Variants in DNAH11 observed in about 807,000 individuals in gnomAD.
The protein encoded by DNAH11 is dynein axonemal heavy chain 11, also known as axonemal beta dynein heavy chain 11.
In DNAH11, 442 loss-of-function variants were observed where a neutral mutation model predicts 526.0. The observed-to-expected ratio is 0.84, with a 90% CI of 0.78 to 0.91. The LOEUF (loss-of-function observed/expected upper bound fraction) is 0.91, where lower values mean the gene tolerates loss of function less well. DNAH11 is among the 40% of genes least tolerant of loss of function. The pLI is 0.00. For synonymous variants in DNAH11, 2,461 were observed against 1,935.9 expected (o/e 1.27, Z -7.12); for missense variants, 6,989 against 5,448.7 (o/e 1.28, Z -8.90).
intron 30 of DNAH11, among the ~76,000 whole-genome samples, chr7:21,679,022 A>C (rs1175366981): frequency 6.6e-6 from 1 of 152,202 alleles, no homozygotes; most frequent in Non-Finnish European, 1.5e-5. Context: ...GTAGACACTC[A>C]TGCCCATGCA....
chr7:21,797,674 G>C lies in DNAH11; in HGVS notation c.10027-3463G>C, dbSNP rs541327802. Among the ~76,000 whole-genome samples, 7 of 152,326 alleles carry C rather than the reference G, an allele frequency of 4.6e-5. No individual in the cohort carries two copies. The East Asian group carries it at 1.2e-3, about 25-fold the overall frequency. On this transcript the variant is annotated intron_variant, in intron 61 of 81. Transcript: ENST00000409508. ...ACAATTAGACATTCCTATGAAAGTA[G>C]TAGATTGTCACCTTTAAGCATGCTT... is the stretch of plus-strand genomic sequence containing the variant.
chr7:21,839,482 G>C (rs1782121746), intron 65 of DNAH11, among the ~76,000 whole-genome samples: 1 of 151,740 alleles, frequency 6.6e-6, no homozygotes, highest in Non-Finnish European at 1.5e-5. Flanking sequence ...GGCTGAGGCA[G>C]GAAAATGGCG....
intron 72 of DNAH11, 37 bp from the exon 73 acceptor site, chr7:21,868,827 T>G (rs67401326): frequency 1.2e-6 from 2 of 1,612,898 alleles, no homozygotes; most frequent in Admixed American, 1.7e-5. Flanking sequence ...CCCTCCTTCA[T>G]AGACATTTCC....
chr7:21,727,926 G>C (rs575071197), intron 45 of DNAH11, among the ~76,000 whole-genome samples: 1 of 152,194 alleles, frequency 6.6e-6, no homozygotes, highest in Non-Finnish European at 1.5e-5. Flanking sequence ...ATCGCTTGCC[G>C]TGACCTCACA....
chr7:21,727,628 C>G (rs1785184524), intron 45 of DNAH11, among the ~76,000 whole-genome samples: 1 of 152,118 alleles, frequency 6.6e-6, no homozygotes, highest in Non-Finnish European at 1.5e-5. Flanking sequence ...TTATTTCTTC[C>G]TCAAAATCAT....
chr7:21,835,180 A>G (rs1781944555), intron 65 of DNAH11, among the ~76,000 whole-genome samples: 1 of 151,714 alleles, frequency 6.6e-6, no homozygotes, highest in Non-Finnish European at 1.5e-5. Flanking sequence ...AATTCTATCA[A>G]ACATTTAAAG....
intron 9 of DNAH11, among the ~76,000 whole-genome samples, chr7:21,587,571 G>T (rs11983325): frequency 0.026 from 3,987 of 152,166 alleles, 178 homozygotes; most frequent in African/African-American, 0.091. Flanking sequence ...GGGGTGGCTG[G>T]GTCGTGTGGA....
At chr7:21,623,455 C>G (rs1344981470) in intron 25 of DNAH11, among the ~76,000 whole-genome samples, 1 of 152,190 alleles carries the variant, frequency 6.6e-6, no homozygotes, top group Non-Finnish European at 1.5e-5. Flanking sequence ...CCCAGGCATC[C>G]CATTACTGGG....
chr7:21,618,987 C>G (rs1785911582), intron 23 of DNAH11, 113 bp from the exon 24 acceptor site: 1 of 1,356,482 alleles, frequency 7.4e-7, no homozygotes, highest in Non-Finnish European at 1.0e-6. Flanking sequence ...GAGAGATGTA[C>G]TCAGCACCTG....
At chr7:21,742,406 A>G (rs1191770045) in intron 49 of DNAH11, among the ~76,000 whole-genome samples, 1 of 152,168 alleles carries the variant, frequency 6.6e-6, no homozygotes, top group Non-Finnish European at 1.5e-5. Context: ...AGCATTTCAC[A>G]TTTTGCATGG....
intron 8 of DNAH11, among the ~76,000 whole-genome samples, chr7:21,579,675 A>C (rs1038556591): frequency 6.6e-5 from 10 of 152,246 alleles, no homozygotes; most frequent in Non-Finnish European, 1.5e-4. Flanking sequence ...CTTATGCAGT[A>C]GATTATGCTA....
rs1056636695 is a variant in DNAH11, at chr7:21,701,825, T to C, written c.6181-885T>C. 3.3e-5 allele frequency among the ~76,000 whole-genome samples: 5 copies of C among 152,174 alleles called. No homozygotes were observed. The South Asian group carries it at 8.3e-4, about 25-fold the overall frequency. On this transcript the variant is annotated intron_variant, in intron 36 of 81. Transcript: ENST00000409508. ...GTGGGTGCTTTTATCTCCCTTTTTA[T>C]AGATGATGATTCTGAGGCTCTGGGA...
Position 21,742,007 on chromosome 7 carries a change from T to C in DNAH11, c.7995T>C (p.His2665=), listed in dbSNP as rs1785923126. ...TCTATGGCCAAATCTTTAGCTTCCA[T>C]TTCCAACAGCAAGCATTTGCTCCAT... ...NTIYGQIFSF[H]FQQQAFAPSI... The change falls in exon 49 of 82, where the codon CAT becomes CAC. Residue 2665 remains histidine (H), a synonymous_variant. Coordinates refer to ENST00000409508, the MANE Select transcript of DNAH11 (RefSeq NM_001277115.2). 1 of 1,613,858 alleles carries C rather than the reference T, an allele frequency of 6.2e-7. No individual in the cohort carries two copies. The highest frequency in any genetic ancestry group is 1.3e-5 in the African/African-American group (1 of 74,930).
chr7:21,598,069 C>T (rs1044625535), intron 14 of DNAH11, among the ~76,000 whole-genome samples: 3 of 152,168 alleles, frequency 2.0e-5, no homozygotes, highest in Admixed American at 2.0e-4. Context: ...TCTGTACTTA[C>T]CTCTCTAGTT....
At chr7:21,812,358 C>G (rs1364892595) in intron 63 of DNAH11, among the ~76,000 whole-genome samples, 1 of 152,144 alleles carries the variant, frequency 6.6e-6, no homozygotes, top group African/African-American at 2.4e-5. Context: ...CCCACACCCA[C>G]TTTTCAGTAA....
chr7:21,835,257 C>T (rs1242962933), intron 65 of DNAH11, among the ~76,000 whole-genome samples: 1 of 149,336 alleles, frequency 6.7e-6, no homozygotes, highest in African/African-American at 2.5e-5. Flanking sequence ...GGAGTTCTTC[C>T]AAACTCAACC....
At chr7:21,891,775 C>A (rs1383166944) in intron 76 of DNAH11, among the ~76,000 whole-genome samples, 2 of 152,144 alleles carry the variant, frequency 1.3e-5, no homozygotes, top group Non-Finnish European at 2.9e-5. Context: ...ACAGACTTTG[C>A]TGTGAGTAGC....
intron 66 of DNAH11, among the ~76,000 whole-genome samples, chr7:21,850,328 C>A (rs530568914): frequency 6.8e-6 from 1 of 147,372 alleles, no homozygotes; most frequent in Non-Finnish European, 1.5e-5. Flanking sequence ...AGCGCTCCAG[C>A]CTGGGCGACA....
rs780660397 is a variant in DNAH11, at chr7:21,894,762, G to A, written c.12890G>A (p.Arg4297Gln). The A allele has an allele frequency of 1.1e-5, 17 of 1,612,166 alleles. No homozygotes were observed. The highest frequency in any genetic ancestry group is 3.3e-5 in the South Asian group (3 of 90,684). The stretch of plus-strand genomic sequence containing the variant: ...TGTGAGAGGATGAATATTCTCATTC[G>A]GGAAATACGTATATCACTTGAACAA... Reference protein sequence around the residue: ...QECERMNILIREIRISLEQLD... With the variant: ...QECERMNILIQEIRISLEQLD... The change falls in exon 78 of 82, where the codon CGG becomes CAG. Residue 4297 changes from arginine (R) to glutamine (Q), a missense_variant. Coordinates refer to ENST00000409508, the MANE Select transcript of DNAH11 (RefSeq NM_001277115.2).
Sources: allele counts gnomAD v4.1 joint callset (sites outside exome capture counted in the v4.1 genomes callset), GRCh38; gene constraint gnomAD v4.1.1; transcripts MANE v1.5; gene names NCBI Gene and HGNC (gene_info 2026-07-23, HGNC 2026-07-21).